DISC1: variants seen among roughly 807,000 people sequenced by gnomAD.
The protein encoded by DISC1 is disrupted in schizophrenia 1 protein.
Under a neutral mutation model 84.5 loss-of-function variants are expected in DISC1, and 57 were observed. The ratio of observed to expected loss-of-function variants is 0.67; its 90% CI spans 0.55 to 0.84. The LOEUF (loss-of-function observed/expected upper bound fraction) is 0.84. DISC1 is among the 40% of genes least tolerant of loss of function. The pLI, the probability that DISC1 is intolerant of heterozygous loss-of-function variation, is 0.00. For synonymous variants in DISC1, 411 were observed against 415.2 expected (o/e 0.99, Z 0.12); for missense variants, 1,000 against 1,057.8 (o/e 0.95, Z 0.76).
intron 3 of DISC1, among the ~76,000 whole-genome samples, chr1:231,734,938 C>T (rs1270520579): frequency 6.6e-6 from 1 of 152,208 alleles, no homozygotes; most frequent in Non-Finnish European, 1.5e-5. Context: ...GGAAACCAAG[C>T]TTACCCTAAG....
chr1:231,688,237 T>C (rs2064547204), intron 1 of DISC1, among the ~76,000 whole-genome samples: 1 of 152,128 alleles, frequency 6.6e-6, no homozygotes, highest in Admixed American at 6.5e-5. Flanking sequence ...TGTGTGTGTG[T>C]GTGTTGTGTT....
chr1:231,669,956 G>C (rs58160230), intron 1 of DISC1, among the ~76,000 whole-genome samples: 116 of 152,138 alleles, frequency 7.6e-4, no homozygotes, highest in African/African-American at 2.7e-3. Context: ...CAACAGCAAA[G>C]ATATGGAATC....
chr1:231,898,989 A>C (rs1038903126), intron 9 of DISC1, among the ~76,000 whole-genome samples: 1 of 152,066 alleles, frequency 6.6e-6, no homozygotes, highest in Non-Finnish European at 1.5e-5. Context: ...AAAACAAAAA[A>C]AAAAGAAACC....
At chr1:231,835,277 T>G (rs2082545924) in intron 9 of DISC1, among the ~76,000 whole-genome samples, 1 of 152,192 alleles carries the variant, frequency 6.6e-6, no homozygotes, top group African/African-American at 2.4e-5. Context: ...ACAGGCTTTG[T>G]GTGAGCAACA....
chr1:231,846,311 G>T (rs2083445060), intron 9 of DISC1, among the ~76,000 whole-genome samples: 1 of 152,218 alleles, frequency 6.6e-6, no homozygotes, highest in Non-Finnish European at 1.5e-5. Context: ...CCATGGAGGG[G>T]CCCACAGGAC....
chr1:231,740,740 A>G (rs1377291440), intron 3 of DISC1, among the ~76,000 whole-genome samples: 1 of 152,204 alleles, frequency 6.6e-6, no homozygotes, highest in African/African-American at 2.4e-5. Context: ...CATGAAATTC[A>G]TTTATGTTTT....
rs1260431324 is a variant in DISC1 at position 232,031,565 on chromosome 1, T to G, written c.2425+5013T>G. ...AAACCCAGAGCCTAAGATGACAGTATCTAAAGCTTTGTGTGTGATGGGCTG... is the reference window on the plus strand; with the variant it reads ...AAACCCAGAGCCTAAGATGACAGTAGCTAAAGCTTTGTGTGTGATGGGCTG... On this transcript the variant is annotated intron_variant, in intron 12 of 12. Coordinates refer to ENST00000439617, the MANE Select transcript of DISC1 (RefSeq NM_018662.3). This position sits in a 1 kb window ranked among gnomAD's most constrained non-coding sequence, Gnocchi z 4.6. Among the ~76,000 whole-genome samples the G allele has an allele frequency of 1.3e-5, 2 of 152,090 alleles. No homozygotes were observed. Among genetic ancestry groups the G allele is most frequent in the Non-Finnish European group, 2.9e-5 (2 of 68,020 alleles).
At chr1:231,677,868 A>G (rs1414128136) in intron 1 of DISC1, among the ~76,000 whole-genome samples, 1 of 152,046 alleles carries the variant, frequency 6.6e-6, no homozygotes, top group East Asian at 1.9e-4. Flanking sequence ...AATCCCAGCT[A>G]CTCAGGAGGC....
intron 3 of DISC1, among the ~76,000 whole-genome samples, chr1:231,732,274 A>T (rs115146221): frequency 4.6e-5 from 7 of 152,150 alleles, no homozygotes; most frequent in Non-Finnish European, 1.0e-4. Context: ...CGCATCATGA[A>T]TTTTTTTACA....
chr1:231,727,805 T>C (rs2070941224), intron 3 of DISC1, among the ~76,000 whole-genome samples: 1 of 151,912 alleles, frequency 6.6e-6, no homozygotes, highest in African/African-American at 2.4e-5. Context: ...AAATAGGGCC[T>C]GGTGTGGTGG....
intron 10 of DISC1, among the ~76,000 whole-genome samples, chr1:231,968,915 A>G (rs993592904): frequency 5.9e-5 from 9 of 152,194 alleles, no homozygotes; most frequent in African/African-American, 1.7e-4. Flanking sequence ...TGTCATAACA[A>G]TGGGATAACA....
chr1:231,658,720 C>CATATATATTGAGATATTGAG (rs2061340444), intron 1 of DISC1, among the ~76,000 whole-genome samples: 1 of 152,142 alleles, frequency 6.6e-6, no homozygotes, highest in Non-Finnish European at 1.5e-5. Context: ...GCCTTTTCTG[C>CATATATATTGAGATATTGAG]ATATATTGAG....
intron 9 of DISC1, among the ~76,000 whole-genome samples, chr1:231,830,751 C>T (rs1456884736): frequency 6.6e-6 from 1 of 152,128 alleles, no homozygotes; most frequent in South Asian, 2.1e-4. Context: ...GGGCTGTACC[C>T]TGTAGCATTC....
chr1:232,027,196 G>A (rs749541202), intron 12 of DISC1, among the ~76,000 whole-genome samples: 21 of 152,324 alleles, frequency 1.4e-4, no homozygotes, highest in Non-Finnish European at 2.5e-4. Context: ...TGACTGGCTC[G>A]TTTTCCTACG....
rs200624525 is a variant in DISC1, at chr1:231,791,083, C to T, written c.1635-4159C>T. On this transcript the variant is annotated intron_variant, in intron 6 of 12. Transcript: ENST00000439617. ...TGCGTTCTGTGCAGCACATTCATGT[C>T]AGTAGTCTCAATTTTTGTAAGGTTT... is the stretch of plus-strand genomic sequence containing the variant. Among the ~76,000 whole-genome samples the T allele has an allele frequency of 2.6e-5, 4 of 152,266 alleles. No individual in the cohort carries two copies. The South Asian group carries it at 6.2e-4, about 24-fold the overall frequency.
chr1:231,724,021 A>G, intron 3 of DISC1: 1 of 985,330 alleles, frequency 1.0e-6, no homozygotes, highest in African/African-American at 1.7e-5. Flanking sequence ...CCACTCTGAT[A>G]TTGTATTTGT....
At chr1:231,978,590 T>C (rs1663154719) in intron 10 of DISC1, among the ~76,000 whole-genome samples, 2 of 152,298 alleles carry the variant, frequency 1.3e-5, no homozygotes, top group East Asian at 1.9e-4. Flanking sequence ...TGTGCATTAG[T>C]AGGAAGTCAC....
chr1:231,989,900 C>A (rs907890414), intron 10 of DISC1, among the ~76,000 whole-genome samples: 3 of 152,188 alleles, frequency 2.0e-5, no homozygotes, highest in Admixed American at 6.5e-5. Flanking sequence ...CGACTGCAAG[C>A]GGTGGAGCTG....
intron 9 of DISC1, among the ~76,000 whole-genome samples, chr1:231,922,462 G>A (rs1214233545): frequency 2.0e-5 from 3 of 152,188 alleles, no homozygotes; most frequent in Non-Finnish European, 4.4e-5. Context: ...AAGAATGTGA[G>A]GCACAGATAA....
Sources: gnomAD v4.1 joint callset for allele counts (sites outside exome capture counted in the v4.1 genomes callset) on GRCh38, gnomAD v4.1.1 for gene constraint, Gnocchi (gnomAD v3.1) non-coding constraint, MANE v1.5 for transcripts, NCBI Gene and HGNC (gene_info 2026-07-23, HGNC 2026-07-21) for gene names.